The following FAM98A variants were observed in gnomAD, a reference collection of about 807,000 sequenced individuals.
The protein encoded by FAM98A is protein FAM98A.
In FAM98A, 25 loss-of-function variants were observed where a neutral mutation model predicts 62.9. The ratio of observed to expected loss-of-function variants is 0.40; its 90% CI spans 0.29 to 0.56. FAM98A has a LOEUF of 0.56. Among genes scored for constraint, FAM98A ranks in the 20% least tolerant of loss-of-function variants. The pLI, the probability that FAM98A is intolerant of heterozygous loss-of-function variation, is 0.51. For missense variants in FAM98A, 653 were observed against 640.7 expected (o/e 1.02, Z -0.21); for synonymous variants, 252 against 228.6 (o/e 1.10, Z -0.92).
chr2:33,594,284 C>A (rs1677738630), intron 2 of FAM98A, among the ~76,000 whole-genome samples: 1 of 151,820 alleles, frequency 6.6e-6, no homozygotes, highest in African/African-American at 2.4e-5. Context: ...AGCATGCAAG[C>A]CATCATCCTC....
intron 2 of FAM98A, among the ~76,000 whole-genome samples, chr2:33,594,040 T>C (rs1322171733): frequency 6.6e-6 from 1 of 152,178 alleles, no homozygotes; most frequent in Non-Finnish European, 1.5e-5. Flanking sequence ...CCCCTACAGG[T>C]TGTATGACCT....
chr2:33,595,666 G>T, intron 1 of FAM98A, 29 bp from the exon 2 acceptor site: 1 of 1,543,332 alleles, frequency 6.5e-7, no homozygotes, highest in Non-Finnish European at 8.7e-7. Flanking sequence ...CATTTCAGAA[G>T]AAAATACAAT....
intron 3 of FAM98A, among the ~76,000 whole-genome samples, chr2:33,591,453 G>T (rs898915518): frequency 3.3e-5 from 5 of 152,058 alleles, no homozygotes; most frequent in African/African-American, 1.2e-4. Flanking sequence ...CTGTTTTTCA[G>T]TGTGAAGAGA....
Position 33,595,604 on chromosome 2 carries a change from G to C in FAM98A, c.87C>G (p.Leu29=), listed in dbSNP as rs772325114. 2.5e-6 allele frequency: 4 copies of C among 1,594,406 alleles called. No homozygotes were observed. The South Asian group carries it at 3.4e-5, about 14-fold the overall frequency. ...YKGPLLEDGA[L]SQAVSAGASS... ...TGGCTCCAGCAGAGACTGCCTGAGA[G>C]AGCGCTCCATCTTCCAACAATGGGC... Residue 29 remains leucine, a synonymous_variant, in exon 2 of 8, where the codon CTC becomes CTG. Coordinates refer to ENST00000238823, the MANE Select transcript of FAM98A (RefSeq NM_015475.5).
At chr2:33,586,466 T>C (rs1677556146) in intron 6 of FAM98A, 96 bp downstream of exon 6, 2 of 772,204 alleles carry the variant, frequency 2.6e-6, no homozygotes, top group South Asian at 3.4e-5. Context: ...GTGTCTTCTA[T>C]GTACTTCTCC....
In FAM98A at chr2:33,594,570, T is replaced by C. The variant is rs1197488430; in HGVS notation, c.202+919A>G. Among the ~76,000 whole-genome samples the C allele has an allele frequency of 2.4e-5, 3 of 127,610 alleles. 1 individual carries two copies. Among genetic ancestry groups the C allele is most frequent in the African/African-American group, 6.2e-5 (2 of 32,096 alleles). 83.7% of individuals were successfully genotyped at this position (127,610 alleles called of 152,430 possible). ...AAAAAAAAAAAAAAAATTATATATA[T>C]ATATATACACACACACACACACACA... On this transcript the variant is annotated intron_variant, in intron 2 of 7. Coordinates refer to ENST00000238823, the MANE Select transcript of FAM98A (RefSeq NM_015475.5).
Position 33,585,371 on chromosome 2 carries a change from G to A in FAM98A, c.962C>T (p.Pro321Leu), listed in dbSNP as rs529280540. The A allele has an allele frequency of 5.2e-5, 84 of 1,614,080 alleles. 1 individual carries two copies. Among genetic ancestry groups the A allele is most frequent in the South Asian group, 4.3e-4 (39 of 91,064 alleles). The change falls in exon 8 of 8, where the codon CCG becomes CTG. Residue 321 changes from proline to leucine, a missense_variant. By Grantham distance (98) the Pro-to-Leu change is moderately conservative. Transcript: ENST00000238823. The stretch of plus-strand genomic sequence containing the variant: ...GGGGCCATCTTGCCTCTTCTGCCAC[G>A]GTGGCATCTCTGGGGGTGGAGGTTC... ...EIEPPPPEMP[P>L]WQKRQDGPQQ... is the part of the protein sequence containing the mutation.
chr2:33,594,093 A>G (rs1179789031), intron 2 of FAM98A, among the ~76,000 whole-genome samples: 1 of 152,228 alleles, frequency 6.6e-6, no homozygotes, highest in Non-Finnish European at 1.5e-5. Context: ...TGTTAAAGGT[A>G]TAACAGTAAT....
intron 1 of FAM98A, among the ~76,000 whole-genome samples, 197 bp from the exon 2 acceptor site, chr2:33,595,834 C>T (rs552786240): frequency 1.3e-5 from 2 of 152,112 alleles, no homozygotes; most frequent in Non-Finnish European, 2.9e-5. Flanking sequence ...TAAATGGTAG[C>T]TGCATTTCAA....
rs761108801 is a variant in FAM98A, at chr2:33,584,909, C to T, written c.1424G>A (p.Gly475Asp). Residue 475 changes from glycine (G) to aspartate (D), a missense_variant, in exon 8 of 8, where the codon GGC becomes GAC. Gly to Asp is a moderately conservative substitution (Grantham distance 94). Coordinates refer to ENST00000238823, the MANE Select transcript of FAM98A (RefSeq NM_015475.5). ...GGRGGRGGRA[G>D]QGGGWGGRGS... ...TCTTCCTCCCCAGCCTCCTCCCTGG[C>T]CTGCACGACCACCTCGGCCTCCACG... The T allele has an allele frequency of 3.1e-6, 5 of 1,612,344 alleles. No individual in the cohort carries two copies. The Admixed American group carries it at 8.3e-5, about 27-fold the overall frequency.
intron 1 of FAM98A, among the ~76,000 whole-genome samples, chr2:33,597,997 A>C (rs1349772299): frequency 6.6e-6 from 1 of 152,234 alleles, no homozygotes; most frequent in African/African-American, 2.4e-5. Flanking sequence ...CATATGCCCT[A>C]ATGAAAGAAA....
chr2:33,587,960 A>G lies in FAM98A; in HGVS notation c.522+375T>C, dbSNP rs578218931. Among the ~76,000 whole-genome samples, 8 of 152,016 alleles carry G rather than the reference A, an allele frequency of 5.3e-5. No homozygotes were observed. In the South Asian group the frequency reaches 1.0e-3, roughly 20 times the overall value. On this transcript the variant is annotated intron_variant, in intron 4 of 7. Coordinates refer to ENST00000238823, the MANE Select transcript of FAM98A (RefSeq NM_015475.5). ...TATTAATATCCTTTCTGTCCAGTCA[A>G]TGGGGAGGAGGGTGGTAACATTTAG... is the stretch of plus-strand genomic sequence containing the variant.
Position 33,585,152 on chromosome 2 carries a change from T to A in FAM98A, c.1181A>T (p.Tyr394Phe). 1 of 1,614,126 alleles carries A rather than the reference T, an allele frequency of 6.2e-7. No homozygotes were observed. The highest frequency in any genetic ancestry group is 8.5e-7 in the Non-Finnish European group (1 of 1,180,022). The change falls in exon 8 of 8, where the codon TAC (tyrosine) becomes TTC (phenylalanine). Residue 394 changes from tyrosine to phenylalanine, a missense_variant. Physicochemically the swap from Tyr to Phe is conservative, Grantham distance 22. Transcript: ENST00000238823. ...TDGGSGGGGG[Y>F]QDGGYRDSGF... The stretch of plus-strand genomic sequence containing the variant: ...TGAATCTCGATAACCACCATCTTGG[T>A]AGCCACCTCCTCCACCACTCCCTCC...
chr2:33,595,800 T>A (rs991776597), intron 1 of FAM98A, among the ~76,000 whole-genome samples, 163 bp from the exon 2 acceptor site: 5 of 152,198 alleles, frequency 3.3e-5, no homozygotes, highest in African/African-American at 7.2e-5. Flanking sequence ...TTTAGAACTA[T>A]ACTGAACCAT....
intron 5 of FAM98A, 113 bp downstream of exon 5, chr2:33,587,127 G>C (rs911259935): frequency 1.5e-6 from 1 of 680,460 alleles, no homozygotes; most frequent in African/African-American, 1.8e-5. Context: ...TGTTCAACTA[G>C]AAAACTATGT....
intron 5 of FAM98A, chr2:33,587,000 CA>C (rs1478138741): frequency 1.9e-6 from 1 of 525,294 alleles, no homozygotes; most frequent in Non-Finnish European, 3.4e-6. Flanking sequence ...TACTTAATTT[CA>C]GTTTACTTTT....
intron 6 of FAM98A, among the ~76,000 whole-genome samples, chr2:33,586,200 T>TA (rs1376651274): frequency 2.6e-5 from 4 of 152,220 alleles, no homozygotes. Flanking sequence ...CTATAAATCA[T>TA]ACCAAATCCA....
In FAM98A at chr2:33,584,903, C is replaced by A. The variant is rs1677499147; in HGVS notation, c.1430G>T (p.Gly477Val). Residue 477 changes from glycine to valine, a missense_variant, in exon 8 of 8, where the codon GGA becomes GTA. Gly to Val is a moderately radical substitution (Grantham distance 109, BLOSUM62 -3). Coordinates refer to ENST00000238823, the MANE Select transcript of FAM98A (RefSeq NM_015475.5). ...RGGRGGRAGQ[G>V]GGWGGRGSQN... is the part of the protein sequence containing the mutation. ...GCTCCCTCTTCCTCCCCAGCCTCCT[C>A]CCTGGCCTGCACGACCACCTCGGCC... is the stretch of plus-strand genomic sequence containing the variant. The A allele has an allele frequency of 6.2e-7, 1 of 1,612,356 alleles. No homozygotes were observed. Among genetic ancestry groups the A allele is most frequent in the South Asian group, 1.1e-5 (1 of 90,982 alleles).
At chr2:33,598,410 AC>A (rs1677865523) in intron 1 of FAM98A, among the ~76,000 whole-genome samples, 1 of 152,222 alleles carries the variant, frequency 6.6e-6, no homozygotes, top group South Asian at 2.1e-4. Context: ...GATCTGGGTG[AC>A]CCAGTGAGAT....
Sources: gnomAD v4.1 joint callset for allele counts (sites outside exome capture counted in the v4.1 genomes callset) on GRCh38, gnomAD v4.1.1 for gene constraint, MANE v1.5 for transcripts, NCBI Gene and HGNC (gene_info 2026-07-23, HGNC 2026-07-21) for gene names.